ATP9A: variants seen among roughly 807,000 people sequenced by gnomAD.
The protein encoded by ATP9A is probable phospholipid-transporting ATPase IIA.
A neutral mutation model predicts 144.1 loss-of-function variants in ATP9A; 52 were observed. The observed-to-expected ratio is 0.36, with a 90% CI of 0.29 to 0.45. The LOEUF (loss-of-function observed/expected upper bound fraction) is 0.45, where lower values mean the gene tolerates loss of function less well. Among genes scored for constraint, ATP9A ranks in the 20% least tolerant of loss-of-function variants. The probability of loss-of-function intolerance (pLI) is 1.00; values close to 1 mark genes in which losing one functional copy is unlikely to be tolerated. For missense variants in ATP9A, 947 were observed against 1,392.7 expected (o/e 0.68, Z 5.09); for synonymous variants, 582 against 557.4 (o/e 1.04, Z -0.62).
chr20:51,695,487 A>C (rs2077567031), intron 6 of ATP9A, among the ~76,000 whole-genome samples: 1 of 143,820 alleles, frequency 7.0e-6, no homozygotes, highest in African/African-American at 2.6e-5. Context: ...AAAAAAAACT[A>C]AGGCAATTTT....
At chr20:51,687,807 G>A (rs1272375181) in intron 9 of ATP9A, among the ~76,000 whole-genome samples, 1 of 152,052 alleles carries the variant, frequency 6.6e-6, no homozygotes, top group Non-Finnish European at 1.5e-5. Context: ...ATGAATGAAA[G>A]AGAGAAGCAA....
chr20:51,607,425 A>C, intron 26 of ATP9A, 102 bp downstream of exon 26: 1 of 1,093,844 alleles, frequency 9.1e-7, no homozygotes, highest in Non-Finnish European at 1.4e-6. Context: ...CCTTCCTGCT[A>C]TTTCAGATTC....
intron 4 of ATP9A, among the ~76,000 whole-genome samples, chr20:51,697,811 G>C (rs976273159): frequency 2.6e-5 from 4 of 152,070 alleles, no homozygotes; most frequent in Non-Finnish European, 5.9e-5. Context: ...ACTTAACAGT[G>C]ACTTAGATGC....
chr20:51,687,790 T>TGAAG (rs2077530021), intron 9 of ATP9A, among the ~76,000 whole-genome samples: 1 of 149,938 alleles, frequency 6.7e-6, no homozygotes, highest in African/African-American at 2.5e-5. Context: ...AATGAATGAA[T>TGAAG]GAATGAATGA....
rs759503719 is a variant in ATP9A at position 51,618,970 on chromosome 20, G to C, written c.2189C>G (p.Ser730Trp). The change falls in exon 20 of 28, where the codon TCG becomes TGG. Residue 730 changes from serine (S) to tryptophan (W), a missense_variant. Transcript: ENST00000338821. ...RRKHDCALVI[S>W]GDSLEVCLKY... The stretch of plus-strand genomic sequence containing the variant: ...CAAGCTCACCTCCAGGGAGTCTCCC[G>C]AGATGACCAGGGCACAATCATGCTT... 2 of 1,614,134 alleles carry C rather than the reference G, an allele frequency of 1.2e-6. No individual in the cohort carries two copies. Among genetic ancestry groups the C allele is most frequent in the Non-Finnish European group, 1.7e-6 (2 of 1,180,010 alleles).
In ATP9A at chr20:51,597,123, C is replaced by T. The variant is rs1258064905; in HGVS notation, c.*4088G>A. On this transcript the variant is annotated 3_prime_UTR_variant, in exon 28 of 28. Coordinates refer to ENST00000338821, the MANE Select transcript of ATP9A (RefSeq NM_006045.3). ...ATACCATGCCCCCCACCTGACCCCA[C>T]AAACACAACAGTCACTGACATGGCC... 6.6e-6 allele frequency: 1 copy of T among 152,182 alleles called. No individual in the cohort carries two copies. The highest frequency in any genetic ancestry group is 1.5e-5 in the Non-Finnish European group (1 of 68,056). 9.4% of individuals were successfully genotyped at this position (152,182 alleles called of 1,614,324 possible).
rs952721033 is a variant in ATP9A, at chr20:51,651,274, A to G, written c.1506+5664T>C. 2.9e-5 allele frequency among the ~76,000 whole-genome samples: 4 copies of G among 138,712 alleles called. No individual in the cohort carries two copies. The East Asian group carries it at 7.9e-4, about 27-fold the overall frequency. 91.0% of individuals were successfully genotyped at this position (138,712 alleles called of 152,430 possible). Reference sequence around the variant, plus strand: ...TTACATAATATATTATATAATATATATTTACATAATATATTATATAATATA... The same window carrying G: ...TTACATAATATATTATATAATATATGTTTACATAATATATTATATAATATA... On this transcript the variant is annotated intron_variant, in intron 14 of 27. Coordinates refer to ENST00000338821, the MANE Select transcript of ATP9A (RefSeq NM_006045.3).
At chr20:51,762,156 G>A (rs6126340) in intron 1 of ATP9A, among the ~76,000 whole-genome samples, 1 of 152,078 alleles carries the variant, frequency 6.6e-6, no homozygotes, top group African/African-American at 2.4e-5. Context: ...CTTGAGGTCA[G>A]GAGTTCAAGG....
chr20:51,708,564 G>A (rs1406259420), intron 4 of ATP9A, among the ~76,000 whole-genome samples: 2 of 151,796 alleles, frequency 1.3e-5, no homozygotes, highest in African/African-American at 2.4e-5. Context: ...GCGAAACCTC[G>A]TCTCTATTAA....
chr20:51,660,125 T>C (rs1384701449), intron 13 of ATP9A, among the ~76,000 whole-genome samples: 1 of 152,226 alleles, frequency 6.6e-6, no homozygotes, highest in East Asian at 1.9e-4. Flanking sequence ...CGAACACGTG[T>C]CTTCATTTCT....
At chr20:51,748,948 T>TAGAC (rs60891087) in intron 1 of ATP9A, among the ~76,000 whole-genome samples, 3,761 of 137,832 alleles carry the variant, frequency 0.027, 76 homozygotes, top group African/African-American at 0.038. Context: ...GATAGATAGA[T>TAGAC]AGACAGACAG....
chr20:51,629,937 G>A (rs1235577860), intron 15 of ATP9A, among the ~76,000 whole-genome samples: 5 of 152,232 alleles, frequency 3.3e-5, no homozygotes, highest in South Asian at 4.1e-4. Context: ...TGGGATGAGA[G>A]TGATTTCCCA....
At chr20:51,663,190 C>G (rs891329863) in intron 13 of ATP9A, among the ~76,000 whole-genome samples, 1 of 152,082 alleles carries the variant, frequency 6.6e-6, no homozygotes, top group African/African-American at 2.4e-5. Context: ...TGGTGGTCAA[C>G]TCTAGTTAAA....
At chr20:51,755,714 A>G (rs1645993273) in intron 1 of ATP9A, among the ~76,000 whole-genome samples, 1 of 152,232 alleles carries the variant, frequency 6.6e-6, no homozygotes, top group African/African-American at 2.4e-5. Flanking sequence ...CTGTAATCCC[A>G]GCACTTTGGG....
chr20:51,688,947 G>A (rs1357220767), intron 9 of ATP9A, 117 bp downstream of exon 9: 1 of 1,139,160 alleles, frequency 8.8e-7, no homozygotes, highest in African/African-American at 1.5e-5. Context: ...CGGAACAAGT[G>A]GAAAATGCCA....
rs2077139000 is a variant in ATP9A, at chr20:51,600,792, T to C, written c.*419A>G. The stretch of plus-strand genomic sequence containing the variant: ...GAAAGACATAAAGAGTACATACACA[T>C]TAGGACTCTTTAAAAACACACACAC... On this transcript the variant is annotated 3_prime_UTR_variant, in exon 28 of 28. Transcript: ENST00000338821. 6.9e-6 allele frequency: 1 copy of C among 144,700 alleles called. No individual in the cohort carries two copies. The highest frequency in any genetic ancestry group is 2.7e-5 in the African/African-American group (1 of 37,110). 9.0% of individuals were successfully genotyped at this position (144,700 alleles called of 1,614,324 possible).
intron 3 of ATP9A, among the ~76,000 whole-genome samples, chr20:51,719,625 T>G (rs1260084692): frequency 6.9e-6 from 1 of 144,940 alleles, no homozygotes; most frequent in Non-Finnish European, 1.5e-5. Flanking sequence ...CCCAGCTACT[T>G]GGGAGGCTGA....
Position 51,629,182 on chromosome 20 carries a change from A to G in ATP9A, c.1669-110T>C, listed in dbSNP as rs184673448. 1,234 of 740,948 alleles carry G rather than the reference A, an allele frequency of 1.7e-3. 4 individuals are homozygous for G. Among genetic ancestry groups the G allele is most frequent in the Non-Finnish European group, 2.4e-3 (1,117 of 461,062 alleles). 45.9% of individuals were successfully genotyped at this position (740,948 alleles called of 1,614,324 possible). A position where few individuals can be genotyped will look rare whatever the true frequency, so the allele number is the denominator to read the frequency against. ...TACAAAGTGCACTTAACAGACACCA[A>G]TGTTTTTTCAGTTGGCTGAAGATGA... On this transcript the variant is annotated intron_variant, in intron 15 of 27. Coordinates refer to ENST00000338821, the MANE Select transcript of ATP9A (RefSeq NM_006045.3).
chr20:51,647,560 A>C (rs2077347000), intron 14 of ATP9A, among the ~76,000 whole-genome samples: 1 of 151,594 alleles, frequency 6.6e-6, no homozygotes. Flanking sequence ...CAAAACAAAC[A>C]AATAAACTAA....
Sources: allele counts gnomAD v4.1 joint callset (sites outside exome capture counted in the v4.1 genomes callset), GRCh38; gene constraint gnomAD v4.1.1; transcripts MANE v1.5; gene names NCBI Gene and HGNC (gene_info 2026-07-23, HGNC 2026-07-21).